The following EXD3 variants were observed in gnomAD, a reference collection of about 807,000 sequenced individuals.
EXD3 encodes the protein exonuclease mut-7 homolog.
Under a neutral mutation model 98.0 loss-of-function variants are expected in EXD3, and 92 were observed. The observed-to-expected ratio is 0.94, with a 90% confidence interval of 0.79 to 1.12. The LOEUF (loss-of-function observed/expected upper bound fraction) is 1.12. Ranked by LOEUF, EXD3 falls within the 50% of genes most tolerant of loss-of-function variation. The probability of loss-of-function intolerance (pLI) is 0.00; values close to 1 mark genes in which losing one functional copy is unlikely to be tolerated. For synonymous variants in EXD3, 569 were observed against 526.0 expected (o/e 1.08, Z -1.12); for missense variants, 1,222 against 1,191.6 (o/e 1.03, Z -0.38).
chr9:137,351,552 T>G (rs1451140315), intron 12 of EXD3, 24 bp from the exon 13 acceptor site: 1 of 1,560,284 alleles, frequency 6.4e-7, no homozygotes, highest in Non-Finnish European at 8.7e-7. Context: ...GGGGCAGATG[T>G]GATCATCAGG....
intron 6 of EXD3, among the ~76,000 whole-genome samples, 158 bp from the exon 7 acceptor site, chr9:137,366,790 C>T (rs1835283634): frequency 6.6e-6 from 1 of 152,352 alleles, no homozygotes; most frequent in African/African-American, 2.4e-5. Context: ...CACGCTCACA[C>T]ACACTCGCCC....
chr9:137,352,828 C>T (rs762686707), intron 10 of EXD3, 42 bp from the exon 11 acceptor site: 17 of 1,557,098 alleles, frequency 1.1e-5, no homozygotes, highest in Non-Finnish European at 1.4e-5. Flanking sequence ...GGGGACATTG[C>T]TGTGCCACAG....
At chr9:137,351,217 G>A (rs1216868258) in intron 13 of EXD3, 70 bp from the exon 14 acceptor site, 10 of 1,526,124 alleles carry the variant, frequency 6.6e-6, no homozygotes, top group African/African-American at 2.7e-5. Context: ...ACCCCAGGGT[G>A]CACCCAGCAC....
rs372873126 is a variant in EXD3, at chr9:137,373,042, G to A, written c.325C>T (p.Arg109Ter). 54 of 1,596,436 alleles carry A rather than the reference G, an allele frequency of 3.4e-5. No homozygotes were observed. In the East Asian group the frequency reaches 4.7e-4, roughly 14 times the overall value. Residue 109 changes from arginine (R) to a stop codon, truncating the protein, a stop_gained, in exon 5 of 22, where the codon CGA becomes TGA. Coordinates refer to ENST00000340951, the MANE Select transcript of EXD3 (RefSeq NM_017820.5). LOFTEE classifies it high-confidence loss of function. ...CTCTCAGTGAGGACTTTGACCGCTC[G>A]GGCCTGCAGCTGCTTCAGCCTCAGG... ...HSLRLKQLQA[R>*]AVKVLTESPP...
chr9:137,373,554 G>C lies in EXD3; in HGVS notation c.166C>G (p.Leu56Val). Residue 56 changes from leucine to valine, a missense_variant, in exon 4 of 22, where the codon CTG becomes GTG. Transcript: ENST00000340951. ...TCCAGCATGTCCAGAAGCCCGGCCA[G>C]GGGGTCGTCCAAGGCAGCAAACCCC... ...WRGFAALDDPLAGLLDMLESC... is the reference protein window; with the variant it reads ...WRGFAALDDPVAGLLDMLESC... The C allele has an allele frequency of 6.2e-7, 1 of 1,603,642 alleles. No individual in the cohort carries two copies. Among genetic ancestry groups the C allele is most frequent in the Non-Finnish European group, 8.5e-7 (1 of 1,176,206 alleles).
intron 10 of EXD3, 142 bp downstream of exon 10, chr9:137,354,197 A>T (rs1834479474): frequency 4.1e-6 from 6 of 1,455,438 alleles, no homozygotes; most frequent in Non-Finnish European, 5.5e-6. Flanking sequence ...TGCCAGCCAC[A>T]CGCCCCAACA....
chr9:137,346,189 A>G (rs1833917274), intron 17 of EXD3, among the ~76,000 whole-genome samples: 1 of 134,630 alleles, frequency 7.4e-6, no homozygotes, highest in Non-Finnish European at 1.5e-5. Flanking sequence ...CAGTGAGCCG[A>G]GATCGCACCA....
At chr9:137,390,811 C>A (rs1230911234) in intron 2 of EXD3, among the ~76,000 whole-genome samples, 2 of 152,228 alleles carry the variant, frequency 1.3e-5, no homozygotes, top group African/African-American at 4.8e-5. Flanking sequence ...GGCGCCGGGC[C>A]AGGCCAGCTC....
chr9:137,333,621 G>A lies in EXD3; in HGVS notation c.1999-9478C>T, dbSNP rs1205352315. On this transcript the variant is annotated intron_variant, in intron 17 of 21. Coordinates refer to ENST00000340951, the MANE Select transcript of EXD3 (RefSeq NM_017820.5). ...CCCTTGGTCCTGTCCTTGCCTGGTC[G>A]TTTAAAAGTGCGTAGCGCGTCCCCT... Among the ~76,000 whole-genome samples, 8 of 152,186 alleles carry A rather than the reference G, an allele frequency of 5.3e-5. No individual in the cohort carries two copies. The South Asian group carries it at 6.2e-4, about 12-fold the overall frequency.
At chr9:137,391,558 GCCTCCCCGCC>G (rs1836909419) in intron 2 of EXD3, among the ~76,000 whole-genome samples, 2 of 151,614 alleles carry the variant, frequency 1.3e-5, no homozygotes, top group East Asian at 1.9e-4. Context: ...CAGAGGGCCG[GCCTCCCCGCC>G]CCACCCCACC....
chr9:137,323,946 C>G (rs1274355403), intron 18 of EXD3, 90 bp from the exon 19 acceptor site: 6 of 1,530,012 alleles, frequency 3.9e-6, no homozygotes, highest in South Asian at 1.2e-5. Context: ...GGGGCAGGAG[C>G]CTTCTCTCGG....
chr9:137,367,315 A>G (rs981589623), intron 6 of EXD3, among the ~76,000 whole-genome samples: 2 of 152,078 alleles, frequency 1.3e-5, no homozygotes, highest in Non-Finnish European at 2.9e-5. Flanking sequence ...CATCGCCCGG[A>G]GCACAGCCCT....
At chr9:137,322,431 G>C (rs1288489685) in intron 19 of EXD3, among the ~76,000 whole-genome samples, 1 of 140,414 alleles carries the variant, frequency 7.1e-6, no homozygotes, top group East Asian at 2.1e-4. Context: ...ATGCTCTGCC[G>C]ACACCTCACC....
At chr9:137,320,098 A>G (rs1831949121) in intron 19 of EXD3, among the ~76,000 whole-genome samples, 1 of 152,218 alleles carries the variant, frequency 6.6e-6, no homozygotes, top group Admixed American at 6.5e-5. Flanking sequence ...GGCAGGGGGA[A>G]CGCTTGGTTC....
In EXD3 at chr9:137,328,612, C is replaced by G. The variant is rs1009926914; in HGVS notation, c.1999-4469G>C. On this transcript the variant is annotated intron_variant, in intron 17 of 21. Coordinates refer to ENST00000340951, the MANE Select transcript of EXD3 (RefSeq NM_017820.5). ...CGGGACTACACGGGACTACACGGGG[C>G]TACACGGGACTACACGGGACTACAC... Among the ~76,000 whole-genome samples, 6 of 81,248 alleles carry G rather than the reference C, an allele frequency of 7.4e-5. No homozygotes were observed. In the Middle Eastern group the frequency reaches 0.019, roughly 257 times the overall value. The allele number at this position is 81,248 out of a possible 152,430, so 53.3% of individuals were successfully genotyped here.
In EXD3 at chr9:137,327,767, T is replaced by C. The variant is rs796656568; in HGVS notation, c.1999-3624A>G. 3.2e-4 allele frequency among the ~76,000 whole-genome samples: 28 copies of C among 86,768 alleles called. 2 individuals are homozygous for C. The highest frequency in any genetic ancestry group is 9.6e-4 in the African/African-American group (22 of 22,938). The allele number at this position is 86,768 out of a possible 152,430, so 56.9% of individuals were successfully genotyped here. On this transcript the variant is annotated intron_variant, in intron 17 of 21. Coordinates refer to ENST00000340951, the MANE Select transcript of EXD3 (RefSeq NM_017820.5). The stretch of plus-strand genomic sequence containing the variant: ...AGTAAAAACAACTAATATACTCCCA[T>C]AGGATGAGTAAAAACAACAAATATA...
chr9:137,373,439 G>A lies in EXD3; in HGVS notation c.281C>T (p.Pro94Leu), dbSNP rs368737663. 9.3e-5 allele frequency: 149 copies of A among 1,607,562 alleles called. No homozygotes were observed. Among genetic ancestry groups the A allele is most frequent in the East Asian group, 6.9e-4 (31 of 44,826 alleles). Residue 94 changes from proline (P) to leucine (L), a missense_variant, in exon 4 of 22, where the codon CCG (proline) becomes CTG (leucine). Coordinates refer to ENST00000340951, the MANE Select transcript of EXD3 (RefSeq NM_017820.5). ...LQCWLQAQPCPSLAQHSLRLK... is the reference protein window; with the variant it reads ...LQCWLQAQPCLSLAQHSLRLK... ...CCATGGGCTCACCTGGGCCAGGCTC[G>A]GGCATGGCTGTGCCTGTAGCCAGCA... is the stretch of plus-strand genomic sequence containing the variant.
intron 1 of EXD3, among the ~76,000 whole-genome samples, chr9:137,422,662 C>G (rs1013051069): frequency 6.6e-6 from 1 of 152,214 alleles, no homozygotes; most frequent in Non-Finnish European, 1.5e-5. Context: ...ACAACTAATA[C>G]AGGACTCAGC....
intron 6 of EXD3, among the ~76,000 whole-genome samples, chr9:137,367,248 C>G (rs147074846): frequency 6.6e-6 from 1 of 152,194 alleles, no homozygotes. Flanking sequence ...TCGGGCAGAA[C>G]GCGAAGCCCC....
Sources: gnomAD v4.1 joint callset for allele counts (sites outside exome capture counted in the v4.1 genomes callset) on GRCh38, gnomAD v4.1.1 for gene constraint, MANE v1.5 for transcripts, NCBI Gene and HGNC (gene_info 2026-07-23, HGNC 2026-07-21) for gene names.